The following FBN1 variants were observed in gnomAD, a reference collection of about 807,000 sequenced individuals.
FBN1 encodes fibrillin-1.
FBN1 carries 29 observed loss-of-function variants against 365.1 expected under a neutral mutation model. That is an observed-to-expected ratio of 0.08 (90% confidence interval 0.06 to 0.11). The LOEUF (loss-of-function observed/expected upper bound fraction) is 0.11. Ranked by LOEUF, FBN1 falls within the 10% of genes least tolerant of loss-of-function variation. The pLI is 1.00. For missense variants in FBN1, 2,476 were observed against 3,703.2 expected (o/e 0.67, Z 8.60); for synonymous variants, 1,210 against 1,270.5 (o/e 0.95, Z 1.01).
rs758390657 is a variant in FBN1, at chr15:48,434,731, T to C, written c.6497-18A>G. 1 of 1,612,974 alleles carries C rather than the reference T, an allele frequency of 6.2e-7. No individual in the cohort carries two copies. Reference sequence around the variant, plus strand: ...ATCAGTATCTGCAAGAAACCAGGAATGTGTCCAAAACATGATGAATTGAGA... The same window carrying C: ...ATCAGTATCTGCAAGAAACCAGGAACGTGTCCAAAACATGATGAATTGAGA... On this transcript the variant is annotated intron_variant, in intron 53 of 65. Coordinates refer to ENST00000316623, the MANE Select transcript of FBN1 (RefSeq NM_000138.5).
intron 2 of FBN1, among the ~76,000 whole-genome samples, chr15:48,620,053 C>G (rs868711486): frequency 6.6e-6 from 1 of 152,150 alleles, no homozygotes; most frequent in Non-Finnish European, 1.5e-5. Flanking sequence ...TTCCTGAGAG[C>G]CATGGTCGGG....
At chr15:48,540,410 C>T (rs551898661) in intron 6 of FBN1, among the ~76,000 whole-genome samples, 2 of 152,162 alleles carry the variant, frequency 1.3e-5, no homozygotes, top group African/African-American at 4.8e-5. Flanking sequence ...TTGAATCCTG[C>T]TGGATTTTCT....
intron 43 of FBN1, among the ~76,000 whole-genome samples, chr15:48,458,192 T>A (rs1400815552): frequency 6.6e-6 from 1 of 152,236 alleles, no homozygotes; most frequent in Non-Finnish European, 1.5e-5. Context: ...ATACTTTGCT[T>A]GCATACTTGT....
rs56969171 is a variant in FBN1 at position 48,476,610 on chromosome 15, CTT to C, written c.3965-1962_3965-1961del. The C allele has an allele frequency of 9.3e-3, 1,120 of 120,012 alleles. 18 individuals are homozygous for C. Among genetic ancestry groups the C allele is most frequent in the African/African-American group, 0.032 (1,032 of 32,370 alleles). The allele number at this position is 120,012 out of a possible 1,614,324, so 7.4% of individuals were successfully genotyped here. ...TGAGCTTCTTTCTTTCTTTTCTTTT[CTT>C]TTTTTTTTTTTTTTTTTGATGGAGT... On this transcript the variant is annotated intron_variant, in intron 32 of 65. Coordinates refer to ENST00000316623, the MANE Select transcript of FBN1 (RefSeq NM_000138.5).
intron 32 of FBN1, 78 bp from the exon 33 acceptor site, chr15:48,474,728 G>T: frequency 6.3e-7 from 1 of 1,595,220 alleles, no homozygotes; most frequent in South Asian, 1.1e-5. Context: ...ATATTCAAAA[G>T]TTGACTTGCC....
At chr15:48,488,752 T>C (rs1432084576) in intron 25 of FBN1, among the ~76,000 whole-genome samples, 2 of 152,228 alleles carry the variant, frequency 1.3e-5, no homozygotes, top group African/African-American at 2.4e-5. Flanking sequence ...CCCAGCACAC[T>C]GCCTGACACA....
rs536964998 is a variant in FBN1 at position 48,645,146 on chromosome 15, C to T, written c.-181-196G>A. On this transcript the variant is annotated intron_variant, in intron 1 of 65. Coordinates refer to ENST00000316623, the MANE Select transcript of FBN1 (RefSeq NM_000138.5). ...CCGGCGGCAGCAGCCCCGGCCGATC[C>T]CTCGGCCTCCCGGGCCCCGCCAGAA... Among the ~76,000 whole-genome samples the T allele has an allele frequency of 4.2e-3, 637 of 152,362 alleles. 2 individuals carry two copies. Among genetic ancestry groups the T allele is most frequent in the African/African-American group, 0.014 (597 of 41,596 alleles).
At chr15:48,632,638 T>C (rs1053374296) in intron 2 of FBN1, among the ~76,000 whole-genome samples, 2 of 152,196 alleles carry the variant, frequency 1.3e-5, no homozygotes, top group East Asian at 3.9e-4. Context: ...TAGTGATCAT[T>C]GAAAATGACT....
At chr15:48,487,991 C>T in intron 27 of FBN1, 122 bp downstream of exon 27, 1 of 1,311,234 alleles carries the variant, frequency 7.6e-7, no homozygotes, top group Non-Finnish European at 1.1e-6. Context: ...CTGTTGCAGA[C>T]TGATTCCTAA....
intron 2 of FBN1, among the ~76,000 whole-genome samples, chr15:48,637,011 C>T (rs1238030974): frequency 1.3e-5 from 2 of 152,196 alleles, no homozygotes; most frequent in African/African-American, 4.8e-5. Flanking sequence ...TATGGTGCTA[C>T]AATGACTTCG....
At chr15:48,416,174 T>G (rs994706329) in intron 63 of FBN1, among the ~76,000 whole-genome samples, 1 of 152,174 alleles carries the variant, frequency 6.6e-6, no homozygotes. Flanking sequence ...AAAGGAATCT[T>G]GCAGTTCTCT....
intron 39 of FBN1, 26 bp from the exon 40 acceptor site, chr15:48,465,719 C>T (rs776481908): frequency 6.2e-7 from 1 of 1,613,878 alleles, no homozygotes; most frequent in East Asian, 2.2e-5. Flanking sequence ...CAAAGGCATT[C>T]CTTTAGCATT....
intron 53 of FBN1, 105 bp from the exon 54 acceptor site, chr15:48,434,818 G>C: frequency 7.1e-7 from 1 of 1,404,480 alleles, no homozygotes; most frequent in Non-Finnish European, 9.9e-7. Context: ...GTTGTTTTGA[G>C]ACAGAGTCTC....
intron 2 of FBN1, among the ~76,000 whole-genome samples, chr15:48,639,285 T>C (rs541806227): frequency 6.6e-6 from 1 of 152,340 alleles, no homozygotes; most frequent in Non-Finnish European, 1.5e-5. Context: ...ACCCAGCTTG[T>C]AGAGTGGCTA....
chr15:48,623,340 G>A (rs1889806515), intron 2 of FBN1, among the ~76,000 whole-genome samples: 2 of 152,226 alleles, frequency 1.3e-5, no homozygotes, highest in South Asian at 4.1e-4. Flanking sequence ...TACATAGGCA[G>A]TTAAACAGAA....
At chr15:48,588,441 G>A (rs968134534) in intron 6 of FBN1, among the ~76,000 whole-genome samples, 9 of 152,108 alleles carry the variant, frequency 5.9e-5, no homozygotes, top group Non-Finnish European at 7.4e-5. Flanking sequence ...AATATTAAAT[G>A]TGGGGCTAAC....
At chr15:48,488,051 G>A in intron 27 of FBN1, 62 bp downstream of exon 27, 2 of 1,607,746 alleles carry the variant, frequency 1.2e-6, no homozygotes, top group Non-Finnish European at 1.7e-6. Context: ...CATAGGCTAT[G>A]AGCCATCAAA....
chr15:48,566,126 T>C (rs1018308315), intron 6 of FBN1, among the ~76,000 whole-genome samples: 1 of 152,186 alleles, frequency 6.6e-6, no homozygotes, highest in African/African-American at 2.4e-5. Flanking sequence ...GCTGTAATCA[T>C]CTGTAGTAAG....
chr15:48,620,647 A>G (rs573127455), intron 2 of FBN1, among the ~76,000 whole-genome samples: 1 of 152,228 alleles, frequency 6.6e-6, no homozygotes, highest in Non-Finnish European at 1.5e-5. Flanking sequence ...TCTAATGATC[A>G]TTTTTGATAG....
Sources: gnomAD v4.1 joint callset for allele counts (sites outside exome capture counted in the v4.1 genomes callset) on GRCh38, gnomAD v4.1.1 for gene constraint, MANE v1.5 for transcripts, NCBI Gene and HGNC (gene_info 2026-07-23, HGNC 2026-07-21) for gene names.